The following SH3YL1 variants were observed in gnomAD, a reference collection of about 807,000 sequenced individuals.
SH3YL1 encodes SH3 and SYLF domain containing 1, also known as SH3 domain-containing YSC84-like protein 1.
In SH3YL1, 41 loss-of-function variants were observed where a neutral mutation model predicts 45.8. The observed-to-expected ratio is 0.89, with a 90% CI of 0.70 to 1.16. SH3YL1 has a LOEUF of 1.16. Among genes scored for constraint, SH3YL1 ranks in the 50% most tolerant of loss-of-function variants. The pLI is 0.00. For synonymous variants in SH3YL1, 152 were observed against 151.4 expected (o/e 1.00, Z -0.03); for missense variants, 389 against 409.6 (o/e 0.95, Z 0.43).
chr2:230,143 A>T, intron 7 of SH3YL1, 99 bp from the exon 8 acceptor site: 1 of 808,712 alleles, frequency 1.2e-6, no homozygotes, highest in Non-Finnish European at 2.0e-6. Context: ...GCAAACTTTT[A>T]TCATGTGTGC....
At chr2:244,593 T>A (rs959415167) in intron 4 of SH3YL1, 2 of 150,378 alleles carry the variant, frequency 1.3e-5, no homozygotes, top group Non-Finnish European at 3.0e-5. Context: ...AGGCAGATAG[T>A]TAAATTATTC....
chr2:229,728 C>CAAAAAAA (rs397709071), intron 8 of SH3YL1, among the ~76,000 whole-genome samples: 9 of 93,344 alleles, frequency 9.6e-5, no homozygotes, highest in Non-Finnish European at 1.4e-4. Context: ...GACTCCGTCT[C>CAAAAAAA]AAAAAAAAAA....
chr2:263,393 G>A (rs1042398374), intron 1 of SH3YL1: 1 of 154,884 alleles, frequency 6.5e-6, no homozygotes, highest in Non-Finnish European at 1.4e-5. Flanking sequence ...GAAAAACTCA[G>A]CAGCCAGCGC....
chr2:230,854 T>C, intron 7 of SH3YL1, 169 bp downstream of exon 7: 1 of 645,928 alleles, frequency 1.5e-6, no homozygotes, highest in Non-Finnish European at 2.7e-6. Flanking sequence ...TTCCCTGAAA[T>C]CTGTACAGAG....
intron 8 of SH3YL1, among the ~76,000 whole-genome samples, chr2:228,361 G>A (rs576817052): frequency 1.7e-4 from 26 of 152,300 alleles, no homozygotes; most frequent in Middle Eastern, 3.4e-3. Context: ...ACACAAGGGG[G>A]TTATATGGCA....
intron 1 of SH3YL1, chr2:260,241 T>C (rs1327691082): frequency 1.3e-5 from 2 of 152,246 alleles, no homozygotes; most frequent in African/African-American, 4.8e-5. Context: ...ATTACATTTA[T>C]ACATATATCT....
chr2:222,902 C>G (rs370543271), intron 9 of SH3YL1: 1 of 152,142 alleles, frequency 6.6e-6, no homozygotes, highest in African/African-American at 2.4e-5. Flanking sequence ...TTCTCTGCAG[C>G]GATGGTAAGC....
At chr2:223,412 C>T (rs555367813) in intron 9 of SH3YL1, among the ~76,000 whole-genome samples, 37 of 152,230 alleles carry the variant, frequency 2.4e-4, no homozygotes, top group Middle Eastern at 3.4e-3. Flanking sequence ...GTAGGGATCC[C>T]CTCCCTTCCC....
chr2:222,109 T>C (rs186514028), intron 9 of SH3YL1, among the ~76,000 whole-genome samples: 4 of 152,358 alleles, frequency 2.6e-5, no homozygotes, highest in East Asian at 1.9e-4. Flanking sequence ...GCACAGCATA[T>C]GCCTTTCAGC....
At chr2:238,284 T>C (rs978827675) in intron 4 of SH3YL1, among the ~76,000 whole-genome samples, 1 of 151,832 alleles carries the variant, frequency 6.6e-6, no homozygotes, top group African/African-American at 2.4e-5. Flanking sequence ...TGTGTGTGTG[T>C]GTGTGTGTGT....
intron 1 of SH3YL1, among the ~76,000 whole-genome samples, chr2:259,055 G>T (rs1669478992): frequency 6.6e-6 from 1 of 152,118 alleles, no homozygotes; most frequent in Non-Finnish European, 1.5e-5. Context: ...TCCTTGTCCT[G>T]CAGTTTAGGA....
intron 7 of SH3YL1, 74 bp downstream of exon 7, chr2:230,949 G>T (rs1668006853): frequency 6.9e-7 from 1 of 1,459,214 alleles, no homozygotes; most frequent in Admixed American, 1.7e-5. Flanking sequence ...TTAGGAACCT[G>T]ATATCAGGGA....
intron 1 of SH3YL1, among the ~76,000 whole-genome samples, chr2:254,458 T>C (rs184727596): frequency 4.1e-4 from 62 of 152,348 alleles, no homozygotes; most frequent in African/African-American, 1.4e-3. Context: ...CTTGTCTCAC[T>C]GTCTACAATT....
chr2:245,961 C>T (rs991764662), intron 4 of SH3YL1, among the ~76,000 whole-genome samples: 1 of 152,024 alleles, frequency 6.6e-6, no homozygotes, highest in Non-Finnish European at 1.5e-5. Flanking sequence ...TTTAGGAGGC[C>T]GAGGTGGGCG....
At position 239,104 on chromosome 2, in the gene SH3YL1, A is replaced by T. The variant is rs369759077; in HGVS notation, c.292-4832T>A. On this transcript the variant is annotated intron_variant, in intron 4 of 9. Transcript: ENST00000356150. ...CAATAAGCTATCCAGGAGCAGCCTC[A>T]GACAGCAGTGGCTGTTAAGCAGCAT... is the stretch of plus-strand genomic sequence containing the variant. 2.6e-5 allele frequency among the ~76,000 whole-genome samples: 4 copies of T among 152,352 alleles called. No homozygotes were observed. In the East Asian group the frequency reaches 5.8e-4, roughly 22 times the overall value.
chr2:218,886 T>A lies in SH3YL1; in HGVS notation c.954A>T (p.Ser318=), dbSNP rs1398839264. ...GTTTTCCTTCCCACCAATCAAAATG[T>A]GAATCTGTTTTTGATATAACTGTGA... The part of the protein sequence containing the change: ...DRITVISKTD[S]HFDWWEGKLR... Residue 318 remains serine (S), a synonymous_variant, in exon 10 of 10, where the codon TCA becomes TCT. Transcript: ENST00000356150. The A allele has an allele frequency of 4.3e-6, 7 of 1,614,110 alleles. No individual in the cohort carries two copies. Among genetic ancestry groups the A allele is most frequent in the Non-Finnish European group, 5.1e-6 (6 of 1,179,966 alleles).
At chr2:237,227 A>G (rs1668345336) in intron 4 of SH3YL1, among the ~76,000 whole-genome samples, 1 of 151,952 alleles carries the variant, frequency 6.6e-6, no homozygotes, top group Non-Finnish European at 1.5e-5. Flanking sequence ...ATCGTGGTAC[A>G]GTTAAGTAAG....
intron 4 of SH3YL1, among the ~76,000 whole-genome samples, chr2:239,380 A>G (rs534118474): frequency 6.6e-6 from 1 of 152,334 alleles, no homozygotes; most frequent in South Asian, 2.1e-4. Context: ...AAGAACCTGG[A>G]GCAAATGTAA....
At chr2:225,126 T>C (rs567512458) in intron 8 of SH3YL1, among the ~76,000 whole-genome samples, 1 of 152,340 alleles carries the variant, frequency 6.6e-6, no homozygotes, top group South Asian at 2.1e-4. Flanking sequence ...AGATGATAAA[T>C]ACCTGACATC....
Sources: allele counts gnomAD v4.1 joint callset (sites outside exome capture counted in the v4.1 genomes callset), GRCh38; gene constraint gnomAD v4.1.1; transcripts MANE v1.5; gene names NCBI Gene and HGNC (gene_info 2026-07-23, HGNC 2026-07-21).